The following RELN variants were observed in gnomAD, a reference collection of about 807,000 sequenced individuals.
The protein encoded by RELN is reelin.
In RELN, 108 loss-of-function variants were observed where a neutral mutation model predicts 427.6. The observed-to-expected ratio is 0.25, with a 90% CI of 0.22 to 0.30. RELN has a LOEUF of 0.30. Among genes scored for constraint, RELN ranks in the 10% least tolerant of loss-of-function variants. The pLI is 1.00. For synonymous variants in RELN, 1,524 were observed against 1,513.4 expected, an observed-to-expected ratio of 1.01 and a Z score of -0.16; for missense variants, 3,715 against 4,302.8, an observed-to-expected ratio of 0.86 and a Z score of 3.82.
intron 2 of RELN, among the ~76,000 whole-genome samples, chr7:103,896,142 CT>C (rs1247294040): frequency 2.6e-5 from 4 of 152,032 alleles, no homozygotes; most frequent in Non-Finnish European, 5.9e-5. Flanking sequence ...CACCACACAC[CT>C]ACCAACATGG....
At chr7:103,798,067 A>G (rs1294136429) in intron 3 of RELN, among the ~76,000 whole-genome samples, 1 of 151,946 alleles carries the variant, frequency 6.6e-6, no homozygotes, top group East Asian at 1.9e-4. Flanking sequence ...CCTGCTCCGT[A>G]CTCTTGGGAG....
intron 1 of RELN, among the ~76,000 whole-genome samples, chr7:103,932,820 G>A (rs1584379481): frequency 6.6e-6 from 1 of 152,192 alleles, no homozygotes; most frequent in South Asian, 2.1e-4. Flanking sequence ...CAAGGTGATG[G>A]CAGCTCCTGG....
In RELN at chr7:103,503,177, C is replaced by A. The variant is rs780301995; in HGVS notation, c.8328G>T (p.Val2776=). The A allele has an allele frequency of 6.2e-7, 1 of 1,614,140 alleles. No individual in the cohort carries two copies. Residue 2776 remains valine, a synonymous_variant, in exon 52 of 65, where the codon GTG becomes GTT. Transcript: ENST00000428762. The part of the protein sequence containing the change: ...SEKIAQNQIH[V]QYSTDFGVSW... ...TCACACCGAAGTCAGTAGAATACTG[C>A]ACATGAATTTGATTCTGGGCAATTT...
chr7:103,813,173 T>C (rs1449331518), intron 3 of RELN, among the ~76,000 whole-genome samples: 3 of 152,148 alleles, frequency 2.0e-5, no homozygotes, highest in Non-Finnish European at 4.4e-5. Flanking sequence ...TCTTTCTACA[T>C]ATTAATACAT....
chr7:103,646,996 T>G (rs1162407724), intron 16 of RELN, among the ~76,000 whole-genome samples: 2 of 151,788 alleles, frequency 1.3e-5, no homozygotes, highest in East Asian at 3.9e-4. Context: ...AAGCATTTGA[T>G]AAAATTCAGC....
Position 103,909,776 on chromosome 7 carries a change from TATA to T in RELN, c.337+7296_337+7298del, listed in dbSNP as rs1385639515. On this transcript the variant is annotated intron_variant, in intron 2 of 64. Transcript: ENST00000428762. ...ATATTAAATATATATATTTAATATA[TATA>T]AATATATATATTAAATATATATTAA... 8.4e-3 allele frequency among the ~76,000 whole-genome samples: 787 copies of T among 93,542 alleles called. 74 individuals are homozygous for T. The highest frequency in any genetic ancestry group is 0.074 in the East Asian group (212 of 2,860). The allele number at this position is 93,542 out of a possible 152,430, so 61.4% of individuals were successfully genotyped here. A position where few individuals can be genotyped will look rare whatever the true frequency, so the allele number is the denominator to read the frequency against.
At chr7:103,497,739 G>T (rs878973178) in intron 55 of RELN, 81 bp downstream of exon 55, 2 of 1,161,324 alleles carry the variant, frequency 1.7e-6, no homozygotes, top group South Asian at 1.2e-5. Context: ...AGTCAGCAAA[G>T]CTTTGCAGAG....
At chr7:103,506,811 A>G (rs569903585) in intron 51 of RELN, among the ~76,000 whole-genome samples, 5 of 152,312 alleles carry the variant, frequency 3.3e-5, no homozygotes, top group Admixed American at 3.3e-4. Context: ...AAAGACATAC[A>G]TAGGCTCAAA....
chr7:103,556,222 A>G (rs889289744), intron 38 of RELN, among the ~76,000 whole-genome samples: 4 of 152,140 alleles, frequency 2.6e-5, no homozygotes, highest in Non-Finnish European at 4.4e-5. Context: ...GCATTTTGCT[A>G]TAGTATTCTA....
chr7:103,503,259 A>T (rs200488546), intron 51 of RELN, 29 bp from the exon 52 acceptor site: 2 of 1,595,398 alleles, frequency 1.3e-6, no homozygotes, highest in Non-Finnish European at 1.7e-6. Context: ...AGATCAAGGT[A>T]TTAAAACTAT....
In RELN at chr7:103,510,856, A is replaced by G. The variant is rs560897786; in HGVS notation, c.8269T>C (p.Phe2757Leu). Residue 2757 changes from phenylalanine to leucine, a missense_variant, in exon 51 of 65, where the codon TTC (phenylalanine) becomes CTC (leucine). Physicochemically the swap from Phe to Leu is conservative, Grantham distance 22 (BLOSUM62 0). Transcript: ENST00000428762. ...LTPTEGWIMQFKISVGCKVSE... is the reference protein window; with the variant it reads ...LTPTEGWIMQLKISVGCKVSE... Reference sequence around the variant, plus strand: ...TCAAGATCATAACATTTCACCTTGAATTGCATAATCCAGCCTTCAGTGGGA... The same window carrying G: ...TCAAGATCATAACATTTCACCTTGAGTTGCATAATCCAGCCTTCAGTGGGA... 4 of 1,612,894 alleles carry G rather than the reference A, an allele frequency of 2.5e-6. No individual in the cohort carries two copies. The highest frequency in any genetic ancestry group is 3.3e-5 in the Admixed American group (2 of 59,986).
At chr7:103,496,014 T>C (rs1828830115) in intron 56 of RELN, 116 bp from the exon 57 acceptor site, 1 of 1,037,994 alleles carries the variant, frequency 9.6e-7, no homozygotes, top group Non-Finnish European at 1.5e-6. Context: ...CTTAAATTTT[T>C]ATGCTCTACT....
chr7:103,580,706 G>A (rs1486629432), intron 28 of RELN, among the ~76,000 whole-genome samples: 1 of 152,088 alleles, frequency 6.6e-6, no homozygotes, highest in Admixed American at 6.6e-5. Context: ...TACCCAATAC[G>A]TAGCCATTTA....
At chr7:103,902,902 CAAT>C (rs148882274) in intron 2 of RELN, among the ~76,000 whole-genome samples, 235 of 152,216 alleles carry the variant, frequency 1.5e-3, no homozygotes, top group Middle Eastern at 6.8e-3. Context: ...AAAAATATCT[CAAT>C]GATAATTATC....
rs116729669 is a variant in RELN at position 103,478,010 on chromosome 7, C to T, written c.10286+379G>A. ...TCAGAGTCCCTAAATCTTTTGCACA[C>T]ATTTCTATTTTCCCTTGTCCCTCAT... On this transcript the variant is annotated intron_variant, in intron 64 of 64. Transcript: ENST00000428762. Among the ~76,000 whole-genome samples, 1,504 of 152,272 alleles carry T rather than the reference C, an allele frequency of 9.9e-3. 28 individuals are homozygous for T. Among genetic ancestry groups the T allele is most frequent in the African/African-American group, 0.034 (1,432 of 41,564 alleles).
rs71154356 is a variant in RELN at position 103,544,220 on chromosome 7, C to CTTT, written c.6523+901_6523+903dup. ...AAAACTGAGCAAAAAGAAAGAAAATCTTTTTTTTTTTTTTTTTTTTTTTTT... is the reference window on the plus strand; with the variant it reads ...AAAACTGAGCAAAAAGAAAGAAAATCTTTTTTTTTTTTTTTTTTTTTTTTTTTT... On this transcript the variant is annotated intron_variant, in intron 42 of 64. Coordinates refer to ENST00000428762, the MANE Select transcript of RELN (RefSeq NM_005045.4). Among the ~76,000 whole-genome samples the CTTT allele has an allele frequency of 5.3e-4, 38 of 71,222 alleles. 5 individuals carry two copies. The highest frequency in any genetic ancestry group is 1.8e-3 in the East Asian group (3 of 1,634). The allele number at this position is 71,222 out of a possible 152,430, so 46.7% of individuals were successfully genotyped here. A position where few individuals can be genotyped will look rare whatever the true frequency, so the allele number is the denominator to read the frequency against.
At chr7:103,680,946 C>T (rs1384719880) in intron 11 of RELN, among the ~76,000 whole-genome samples, 1 of 152,066 alleles carries the variant, frequency 6.6e-6, no homozygotes, top group African/African-American at 2.4e-5. Flanking sequence ...CCTGCTGTGC[C>T]ACAGGCTGGA....
chr7:103,577,739 C>A (rs566643419), intron 28 of RELN, among the ~76,000 whole-genome samples: 1 of 152,136 alleles, frequency 6.6e-6, no homozygotes, highest in East Asian at 1.9e-4. Flanking sequence ...GCCTCTATGC[C>A]GCTTCCAAAA....
At chr7:103,703,241 A>C (rs947457255) in intron 8 of RELN, among the ~76,000 whole-genome samples, 20 of 152,146 alleles carry the variant, frequency 1.3e-4, no homozygotes, top group African/African-American at 4.8e-4. Flanking sequence ...TACCCTTCCA[A>C]ACATACCAGA....
Sources: allele counts gnomAD v4.1 joint callset (sites outside exome capture counted in the v4.1 genomes callset), GRCh38; gene constraint gnomAD v4.1.1; transcripts MANE v1.5; gene names NCBI Gene and HGNC (gene_info 2026-07-23, HGNC 2026-07-21).